COPG2: variants seen among roughly 807,000 people sequenced by gnomAD.
COPG2 encodes the protein coat protein complex I subunit gamma 2, also known as coatomer subunit gamma-2.
Under a neutral mutation model 46.3 loss-of-function variants are expected in COPG2, and 37 were observed. The observed-to-expected ratio is 0.80, with a 90% confidence interval of 0.61 to 1.05. The LOEUF is 1.05. COPG2 is among the 50% of genes least tolerant of loss of function. The probability of loss-of-function intolerance (pLI) is 0.00; values close to 1 mark genes in which losing one functional copy is unlikely to be tolerated. For missense variants in COPG2, 427 were observed against 387.8 expected (o/e 1.10, Z -0.85); for synonymous variants, 159 against 129.7 (o/e 1.23, Z -1.53).
intron 5 of COPG2, among the ~76,000 whole-genome samples, chr7:130,627,870 T>C (rs1795145919): frequency 6.6e-6 from 1 of 152,174 alleles, no homozygotes; most frequent in South Asian, 2.1e-4. Context: ...TCAAAGTGGT[T>C]TCATACTTTT....
At chr7:130,539,561 G>T (rs1361060523) in intron 20 of COPG2, among the ~76,000 whole-genome samples, 3 of 152,192 alleles carry the variant, frequency 2.0e-5, no homozygotes, top group African/African-American at 2.4e-5. Context: ...CAGATGAAGC[G>T]ACAGGCCCTG....
chr7:130,658,648 C>T (rs1554460213), intron 4 of COPG2, among the ~76,000 whole-genome samples: 1 of 151,614 alleles, frequency 6.6e-6, no homozygotes, highest in African/African-American at 2.4e-5. Flanking sequence ...ATCCAGAATA[C>T]ATAAAGAAAC....
chr7:130,587,537 T>C (rs1554448172), intron 9 of COPG2, among the ~76,000 whole-genome samples: 2 of 152,062 alleles, frequency 1.3e-5, no homozygotes, highest in Non-Finnish European at 1.5e-5. Context: ...TTTTAAAACT[T>C]AGAACATGGA....
At chr7:130,604,686 A>C (rs782128459) in intron 9 of COPG2, 1 of 513,106 alleles carries the variant, frequency 1.9e-6, no homozygotes, top group Admixed American at 2.0e-5. Context: ...GCACAAAGTA[A>C]GCCTTCTAGC....
chr7:130,557,577 C>T (rs963329200), intron 12 of COPG2, among the ~76,000 whole-genome samples: 3 of 151,624 alleles, frequency 2.0e-5, no homozygotes, highest in Admixed American at 6.6e-5. Flanking sequence ...GAGGTCGAGG[C>T]GGGTGGATCA....
intron 11 of COPG2, among the ~76,000 whole-genome samples, chr7:130,563,003 A>T (rs1408653213): frequency 6.6e-6 from 1 of 152,208 alleles, no homozygotes; most frequent in Non-Finnish European, 1.5e-5. Context: ...ATTTAAATTG[A>T]AATAGCCACT....
intron 20 of COPG2, among the ~76,000 whole-genome samples, chr7:130,530,746 G>A (rs1584964590): frequency 6.6e-6 from 1 of 151,980 alleles, no homozygotes. Context: ...AGTGCAACAG[G>A]GGAGTCACCT....
At chr7:130,667,044 T>C (rs3804620) in intron 2 of COPG2, 115 bp from the exon 3 acceptor site, 126,619 of 604,682 alleles carry the variant, frequency 0.21, 13,927 homozygotes, top group Middle Eastern at 0.28. Flanking sequence ...ACATTGTCTA[T>C]AGTTCTCAAT....
At chr7:130,616,441 T>A (rs1178621585) in intron 6 of COPG2, among the ~76,000 whole-genome samples, 1 of 151,740 alleles carries the variant, frequency 6.6e-6, no homozygotes, top group Non-Finnish European at 1.5e-5. Context: ...AAAAAAAAAA[T>A]TAGCCAGGTG....
At chr7:130,536,585 C>G (rs1013240479) in intron 20 of COPG2, among the ~76,000 whole-genome samples, 1 of 152,192 alleles carries the variant, frequency 6.6e-6, no homozygotes, top group Admixed American at 6.5e-5. Context: ...GTGAGAATCA[C>G]TGGTGGACGC....
intron 15 of COPG2, among the ~76,000 whole-genome samples, chr7:130,552,093 G>A (rs1793541026): frequency 1.3e-5 from 2 of 152,182 alleles, no homozygotes; most frequent in Non-Finnish European, 2.9e-5. Context: ...AAATAAGAGT[G>A]AGGAGTGATG....
chr7:130,563,781 A>AG (rs1793757948), intron 10 of COPG2, among the ~76,000 whole-genome samples: 1 of 149,886 alleles, frequency 6.7e-6, no homozygotes, highest in South Asian at 2.1e-4. Context: ...AAAGAAAAAA[A>AG]AAAAAGAAAA....
chr7:130,608,335 T>C (rs1794777221), intron 9 of COPG2: 1 of 308,148 alleles, frequency 3.2e-6, no homozygotes, highest in Non-Finnish European at 6.3e-6. Flanking sequence ...GTAAAAATTG[T>C]ATATATTTAT....
intron 5 of COPG2, among the ~76,000 whole-genome samples, chr7:130,635,322 T>C (rs1051287855): frequency 9.9e-5 from 15 of 152,146 alleles, no homozygotes; most frequent in African/African-American, 3.6e-4. Context: ...AGAATTCGGC[T>C]GTGAACCTGT....
chr7:130,506,593 C>G lies in COPG2; in HGVS notation c.*83G>C. On this transcript the variant is annotated 3_prime_UTR_variant, in exon 24 of 24. Coordinates refer to ENST00000425248, the MANE Select transcript of COPG2 (RefSeq NM_012133.6). ...TCCAAAGTCATTCATCTTCAAAAGT[C>G]TGATTCTGGGAAACTGATGCCACTA... 1.8e-6 allele frequency: 1 copy of G among 546,102 alleles called. No individual in the cohort carries two copies. 33.8% of individuals were successfully genotyped at this position (546,102 alleles called of 1,614,324 possible).
At position 130,567,355 on chromosome 7, in the gene COPG2, A is replaced by C. The variant is rs1024103485; in HGVS notation, c.738-2962T>G. 2.6e-4 allele frequency among the ~76,000 whole-genome samples: 40 copies of C among 152,360 alleles called. 2 individuals are homozygous for C. The highest frequency in any genetic ancestry group is 9.1e-4 in the African/African-American group (38 of 41,596). On this transcript the variant is annotated intron_variant, in intron 9 of 23. Transcript: ENST00000425248. The stretch of plus-strand genomic sequence containing the variant: ...TAAGAATAACTGGTGTTCCCAAGGA[A>C]GAAGATAAATCTAAAAGTTTGGAAA...
intron 20 of COPG2, among the ~76,000 whole-genome samples, chr7:130,526,291 G>T (rs1799773924): frequency 6.6e-6 from 1 of 152,160 alleles, no homozygotes; most frequent in Non-Finnish European, 1.5e-5. Context: ...TTTGAGCGGT[G>T]AGGAGAGCAG....
intron 6 of COPG2, among the ~76,000 whole-genome samples, chr7:130,614,597 T>C (rs1294876488): frequency 6.6e-6 from 1 of 152,184 alleles, no homozygotes; most frequent in Non-Finnish European, 1.5e-5. Flanking sequence ...ACTGGATCAA[T>C]GTTAAACACC....
chr7:130,660,221 C>T (rs980965438), intron 4 of COPG2, among the ~76,000 whole-genome samples: 1 of 152,180 alleles, frequency 6.6e-6, no homozygotes, highest in African/African-American at 2.4e-5. Context: ...ACCTCAGTCA[C>T]TACAAAAAGC....
Sources: gnomAD v4.1 joint callset for allele counts (sites outside exome capture counted in the v4.1 genomes callset) on GRCh38, gnomAD v4.1.1 for gene constraint, MANE v1.5 for transcripts, NCBI Gene and HGNC (gene_info 2026-07-23, HGNC 2026-07-21) for gene names.